The following RANGAP1 variants were observed in gnomAD, a reference collection of about 807,000 sequenced individuals.
RANGAP1 encodes ran GTPase-activating protein 1.
A neutral mutation model predicts 63.5 loss-of-function variants in RANGAP1; 38 were observed. The ratio of observed to expected loss-of-function variants is 0.60; its 90% CI spans 0.46 to 0.78. The LOEUF (loss-of-function observed/expected upper bound fraction) is 0.78, where lower values mean the gene tolerates loss of function less well. Ranked by LOEUF, RANGAP1 falls within the 30% of genes least tolerant of loss-of-function variation. The probability of loss-of-function intolerance (pLI) is 0.00; values close to 1 mark genes in which losing one functional copy is unlikely to be tolerated. For missense variants in RANGAP1, 630 were observed against 740.3 expected (o/e 0.85, Z 1.73); for synonymous variants, 329 against 310.5 (o/e 1.06, Z -0.63).
At chr22:41,288,149 G>C (rs925922830), upstream of RANGAP1, among the ~76,000 whole-genome samples, 4 of 152,128 alleles carry the variant, frequency 2.6e-5, no homozygotes, top group African/African-American at 9.7e-5. Context: ...AACTCTCCCA[G>C]TTCTCAAAGT....
At chr22:41,279,366 A>C (rs1448133544) in intron 2 of RANGAP1, among the ~76,000 whole-genome samples, 3 of 151,924 alleles carry the variant, frequency 2.0e-5, no homozygotes, top group Non-Finnish European at 4.4e-5. Context: ...GCTACTCAGG[A>C]GGCTGAGGCA....
intron 3 of RANGAP1, among the ~76,000 whole-genome samples, chr22:41,272,721 G>A (rs1041406312): frequency 2.0e-5 from 3 of 152,048 alleles, no homozygotes; most frequent in African/African-American, 4.8e-5. Flanking sequence ...TCACCATGTT[G>A]GCCAGGATGG....
At chr22:41,254,184 A>G in intron 11 of RANGAP1, 124 bp downstream of exon 11, 1 of 1,015,116 alleles carries the variant, frequency 9.9e-7, no homozygotes, top group Non-Finnish European at 1.5e-6. Flanking sequence ...ATATCATGCA[A>G]TCAAAAAAAA....
upstream of RANGAP1, among the ~76,000 whole-genome samples, chr22:41,287,371 G>GTTTT (rs148508883): frequency 4.9e-5 from 5 of 101,690 alleles, no homozygotes; most frequent in African/African-American, 9.5e-5. Flanking sequence ...CACAAACAGC[G>GTTTT]TTTTTTTTTT....
intron 1 of RANGAP1, chr22:41,281,336 G>C: frequency 1.1e-6 from 1 of 883,150 alleles, no homozygotes; most frequent in Non-Finnish European, 1.4e-6. Context: ...GTCCTCCTCT[G>C]CTAAACTGCC....
In RANGAP1 at chr22:41,254,272, C is replaced by T. The variant is rs564429438; in HGVS notation, c.1260+36G>A. 2.0e-5 allele frequency: 32 copies of T among 1,613,144 alleles called. 1 individual carries two copies. In the South Asian group the frequency reaches 3.2e-4, roughly 16 times the overall value. ...GCCTCGGGATTTCACGTTCTCAGGACCAGGGCTCTGATTGTGGCAGATGAT... is the reference window on the plus strand; with the variant it reads ...GCCTCGGGATTTCACGTTCTCAGGATCAGGGCTCTGATTGTGGCAGATGAT... On this transcript the variant is annotated intron_variant, in intron 11 of 15. Coordinates refer to ENST00000356244, the MANE Select transcript of RANGAP1 (RefSeq NM_002883.4).
chr22:41,301,443 G>A, the RANGAP1 span: 1 of 152,220 alleles, frequency 6.6e-6, no homozygotes, highest in Admixed American at 6.5e-5. Context: ...CTCCCCAGGT[G>A]CGCAGCCCGC....
intron 2 of RANGAP1, among the ~76,000 whole-genome samples, chr22:41,276,087 T>C (rs543305762): frequency 3.3e-5 from 5 of 152,324 alleles, no homozygotes; most frequent in African/African-American, 7.2e-5. Context: ...AAATCTGTTA[T>C]AGCAATAAGT....
chr22:41,260,327 G>A (rs1294357073), intron 6 of RANGAP1, among the ~76,000 whole-genome samples: 1 of 152,114 alleles, frequency 6.6e-6, no homozygotes, highest in African/African-American at 2.4e-5. Context: ...CTGACGGCAG[G>A]GAGGGATCCA....
At chr22:41,292,486 T>A in the RANGAP1 span, among the ~76,000 whole-genome samples, 1 of 151,660 alleles carries the variant, frequency 6.6e-6, no homozygotes, top group East Asian at 2.0e-4. Flanking sequence ...TGTGGCCGGG[T>A]GCAATGTCTC....
intron 4 of RANGAP1, among the ~76,000 whole-genome samples, chr22:41,265,950 C>T (rs985838185): frequency 2.0e-5 from 3 of 151,946 alleles, no homozygotes; most frequent in Non-Finnish European, 2.9e-5. Flanking sequence ...CGCCTGTAAT[C>T]CCAGCACTTT....
At chr22:41,249,217 G>A (rs1171597082) in intron 15 of RANGAP1, 113 bp downstream of exon 15, 7 of 1,393,612 alleles carry the variant, frequency 5.0e-6, no homozygotes, top group Non-Finnish European at 6.7e-6. Flanking sequence ...CACCTGAGTG[G>A]GGCCAGCAGG....
upstream of RANGAP1, among the ~76,000 whole-genome samples, chr22:41,290,178 GAA>G (rs948211985): frequency 4.1e-5 from 6 of 147,872 alleles, no homozygotes; most frequent in South Asian, 1.1e-3. Flanking sequence ...GAGAGAGAGA[GAA>G]AGAGAATAGA....
chr22:41,280,754 T>C (rs1299650435), intron 2 of RANGAP1, 179 bp downstream of exon 2: 1 of 1,524,964 alleles, frequency 6.6e-7, no homozygotes, highest in Non-Finnish European at 8.8e-7. Context: ...GCAGGGGAGC[T>C]TGCTCCTGGG....
intron 1 of RANGAP1, chr22:41,281,646 G>C (rs2035496488): frequency 1.0e-6 from 1 of 986,606 alleles, no homozygotes; most frequent in South Asian, 4.7e-5. Flanking sequence ...GACTGGGCAG[G>C]CCACAATGGC....
chr22:41,264,032 C>A (rs1446735024), intron 5 of RANGAP1, among the ~76,000 whole-genome samples: 4 of 152,254 alleles, frequency 2.6e-5, no homozygotes, highest in Non-Finnish European at 5.9e-5. Context: ...GTGTCCCCAG[C>A]CCTTTTCTCC....
At chr22:41,280,019 AC>A (rs2035402346) in intron 2 of RANGAP1, among the ~76,000 whole-genome samples, 1 of 151,932 alleles carries the variant, frequency 6.6e-6, no homozygotes, top group African/African-American at 2.4e-5. Context: ...AACTGCTCGA[AC>A]CCGTGAGGCA....
the RANGAP1 span, chr22:41,301,472 G>A: frequency 6.6e-6 from 1 of 152,168 alleles, no homozygotes. Context: ...CCCCGGGCGC[G>A]GCGAGGCGAC....
upstream of RANGAP1, among the ~76,000 whole-genome samples, chr22:41,287,713 G>A (rs1440414609): frequency 1.3e-5 from 2 of 151,318 alleles, no homozygotes; most frequent in African/African-American, 2.4e-5. Context: ...CAGGCTGGGC[G>A]CAGTGGCTCA....
Sources: gnomAD v4.1 joint callset for allele counts (sites outside exome capture counted in the v4.1 genomes callset) on GRCh38, gnomAD v4.1.1 for gene constraint, MANE v1.5 for transcripts, NCBI Gene and HGNC (gene_info 2026-07-23, HGNC 2026-07-21) for gene names.